MAGI2: variants seen among roughly 807,000 people sequenced by gnomAD.
MAGI2 encodes the protein membrane-associated guanylate kinase, WW and PDZ domain-containing protein 2.
Under a neutral mutation model 133.3 loss-of-function variants are expected in MAGI2, and 35 were observed. That is an observed-to-expected ratio of 0.26 (90% confidence interval 0.20 to 0.35). MAGI2 has a LOEUF of 0.35. MAGI2 is among the 10% of genes least tolerant of loss of function. The probability of loss-of-function intolerance (pLI) is 1.00; values close to 1 mark genes in which losing one functional copy is unlikely to be tolerated. For synonymous variants in MAGI2, 729 were observed against 710.6 expected (o/e 1.03, Z -0.41); for missense variants, 1,636 against 1,863.4 (o/e 0.88, Z 2.25).
intron 11 of MAGI2, among the ~76,000 whole-genome samples, chr7:78,195,815 A>G (rs979012710): frequency 6.6e-6 from 1 of 152,208 alleles, no homozygotes; most frequent in East Asian, 1.9e-4. Flanking sequence ...ATTTTTTATC[A>G]AGGAGGAAGC....
chr7:78,445,709 A>G (rs1356154455), intron 6 of MAGI2, among the ~76,000 whole-genome samples: 2 of 152,034 alleles, frequency 1.3e-5, no homozygotes, highest in Non-Finnish European at 2.9e-5. Flanking sequence ...TTTATTTTAT[A>G]TCAGATTTTT....
intron 1 of MAGI2, among the ~76,000 whole-genome samples, chr7:79,031,762 G>C (rs188471090): frequency 2.5e-4 from 38 of 152,146 alleles, no homozygotes; most frequent in Middle Eastern, 3.4e-3. Flanking sequence ...CATAATCAAA[G>C]CACATTTGTT....
At position 79,049,239 on chromosome 7, in the gene MAGI2, C is replaced by A. The variant is rs146026261; in HGVS notation, c.302-42033G>T. 2.0e-3 allele frequency among the ~76,000 whole-genome samples: 304 copies of A among 152,212 alleles called. 1 individual carries two copies. Among genetic ancestry groups the A allele is most frequent in the African/African-American group, 6.9e-3 (287 of 41,516 alleles). ...ACTTAGTTCAAATTGTGTATTGTGT[C>A]AAATACTACTAGGAAATCAAAAATT... On this transcript the variant is annotated intron_variant, in intron 1 of 21. Transcript: ENST00000354212.
chr7:78,278,349 A>G (rs1795244967), intron 9 of MAGI2, among the ~76,000 whole-genome samples: 1 of 152,170 alleles, frequency 6.6e-6, no homozygotes, highest in South Asian at 2.1e-4. Flanking sequence ...CTACTAATTC[A>G]GATAAGCAAA....
At chr7:78,457,693 CATATT>C (rs1389432379) in intron 6 of MAGI2, among the ~76,000 whole-genome samples, 2 of 152,146 alleles carry the variant, frequency 1.3e-5, no homozygotes, top group African/African-American at 4.8e-5. Context: ...AGACATTTTA[CATATT>C]ATCTCATTTA....
At chr7:79,391,520 T>TATATATATAGAC (rs1554469558) in intron 1 of MAGI2, among the ~76,000 whole-genome samples, 1 of 53,462 alleles carries the variant, frequency 1.9e-5, no homozygotes, top group East Asian at 8.3e-4. Context: ...TATATATATA[T>TATATATATAGAC]ATATATATAT....
At chr7:78,198,294 T>A (rs1188411970) in intron 11 of MAGI2, among the ~76,000 whole-genome samples, 1 of 152,174 alleles carries the variant, frequency 6.6e-6, no homozygotes, top group Non-Finnish European at 1.5e-5. Context: ...AGTCTGTATC[T>A]CTTGGTGAAT....
intron 6 of MAGI2, among the ~76,000 whole-genome samples, chr7:78,411,035 G>A (rs959684980): frequency 2.6e-5 from 4 of 151,836 alleles, no homozygotes; most frequent in Non-Finnish European, 5.9e-5. Flanking sequence ...GAAAAAAATA[G>A]CCTCAGAGAA....
At chr7:79,257,546 T>C (rs563742849) in intron 1 of MAGI2, among the ~76,000 whole-genome samples, 3 of 152,340 alleles carry the variant, frequency 2.0e-5, no homozygotes, top group Admixed American at 2.0e-4. Flanking sequence ...TCAACCTTAG[T>C]GTTCTGCGTT....
At chr7:78,601,859 G>T (rs971440407) in intron 3 of MAGI2, among the ~76,000 whole-genome samples, 5 of 152,064 alleles carry the variant, frequency 3.3e-5, no homozygotes, top group African/African-American at 4.8e-5. Context: ...ATATCATTTG[G>T]GGTGGTTTCC....
At chr7:78,893,716 CG>C (rs1044459267) in intron 2 of MAGI2, among the ~76,000 whole-genome samples, 1 of 146,308 alleles carries the variant, frequency 6.8e-6, no homozygotes, top group African/African-American at 2.5e-5. Flanking sequence ...AACATCACAC[CG>C]GGGCCTGTTG....
At chr7:78,191,610 C>T (rs148373677) in intron 12 of MAGI2, among the ~76,000 whole-genome samples, 305 of 152,292 alleles carry the variant, frequency 2.0e-3, no homozygotes, top group African/African-American at 6.9e-3. Flanking sequence ...GTTGCCACCT[C>T]TGGGCACTGA....
At position 78,940,069 on chromosome 7, in the gene MAGI2, C is replaced by T. The variant is rs897457054; in HGVS notation, c.418+67021G>A. 3.3e-5 allele frequency among the ~76,000 whole-genome samples: 5 copies of T among 152,150 alleles called. No homozygotes were observed. In the South Asian group the frequency reaches 1.0e-3, roughly 32 times the overall value. ...AAAAATTGCCTCATCCCCATGTGTG[C>T]CATGCCAAAGCACATTTGTACATAT... is the stretch of plus-strand genomic sequence containing the variant. On this transcript the variant is annotated intron_variant, in intron 2 of 21. Coordinates refer to ENST00000354212, the MANE Select transcript of MAGI2 (RefSeq NM_012301.4).
intron 2 of MAGI2, among the ~76,000 whole-genome samples, chr7:78,685,945 C>T (rs1025112869): frequency 1.4e-5 from 2 of 145,898 alleles, no homozygotes; most frequent in Admixed American, 1.4e-4. Flanking sequence ...TGGGTTCCTG[C>T]TCTTACTTTC....
intron 3 of MAGI2, among the ~76,000 whole-genome samples, chr7:78,566,943 T>C (rs2150754445): frequency 6.6e-6 from 1 of 152,306 alleles, no homozygotes; most frequent in East Asian, 1.9e-4. Context: ...CTATTTTAGA[T>C]ATGGAAAGTA....
intron 2 of MAGI2, among the ~76,000 whole-genome samples, chr7:78,931,173 G>A (rs570018168): frequency 1.3e-5 from 2 of 152,240 alleles, no homozygotes; most frequent in East Asian, 3.9e-4. Context: ...ATGGCTATGA[G>A]TGAAGAGTGG....
chr7:78,993,145 C>A (rs1392924617), intron 2 of MAGI2, among the ~76,000 whole-genome samples: 1 of 152,030 alleles, frequency 6.6e-6, no homozygotes, highest in East Asian at 1.9e-4. Context: ...ACTGATAATG[C>A]ATAACTATCC....
chr7:78,709,982 G>C (rs1038253919), intron 2 of MAGI2, among the ~76,000 whole-genome samples: 1 of 152,042 alleles, frequency 6.6e-6, no homozygotes, highest in Admixed American at 6.6e-5. Flanking sequence ...CACAAACCTA[G>C]AAGTCATCAA....
intron 2 of MAGI2, among the ~76,000 whole-genome samples, chr7:78,790,711 GGT>G (rs1323973786): frequency 6.6e-6 from 1 of 152,080 alleles, no homozygotes. Flanking sequence ...TGGGATTAGA[GGT>G]GTGAGCCACC....
Sources: allele counts gnomAD v4.1 joint callset (sites outside exome capture counted in the v4.1 genomes callset), GRCh38; gene constraint gnomAD v4.1.1; transcripts MANE v1.5; gene names NCBI Gene and HGNC (gene_info 2026-07-23, HGNC 2026-07-21).